The following SDHB variants were observed in gnomAD, a reference collection of about 807,000 sequenced individuals.
SDHB encodes succinate dehydrogenase complex iron sulfur subunit B.
SDHB carries 21 observed loss-of-function variants against 39.7 expected under a neutral mutation model. The ratio of observed to expected loss-of-function variants is 0.53; its 90% CI spans 0.37 to 0.76. SDHB has a LOEUF of 0.76. Among genes scored for constraint, SDHB ranks in the 30% least tolerant of loss-of-function variants. SDHB has a pLI of 0.00. For missense variants in SDHB, 343 were observed against 350.9 expected (o/e 0.98, Z 0.18); for synonymous variants, 118 against 117.0 (o/e 1.01, Z -0.06).
chr1:17,044,735 T>C, intron 2 of SDHB, 26 bp downstream of exon 2: 2 of 1,612,630 alleles, frequency 1.2e-6, no homozygotes, highest in Middle Eastern at 1.7e-4. Flanking sequence ...TCTCCTTCAA[T>C]AGCTGGCTTT....
intron 2 of SDHB, among the ~76,000 whole-genome samples, chr1:17,043,628 ATTCT>A (rs1440806201): frequency 6.6e-6 from 1 of 152,208 alleles, no homozygotes; most frequent in African/African-American, 2.4e-5. Context: ...AACTTGCTAG[ATTCT>A]TTCTTTTCTT....
intron 7 of SDHB, 147 bp from the exon 8 acceptor site, chr1:17,019,105 G>A (rs1337110815): frequency 1.4e-6 from 1 of 705,022 alleles, no homozygotes; most frequent in Non-Finnish European, 2.6e-6. Flanking sequence ...ATAGGGGTTG[G>A]GCTAAGGGCT....
chr1:17,052,296 A>C (rs1277648829), intron 1 of SDHB: 1 of 152,252 alleles, frequency 6.6e-6, no homozygotes, highest in Non-Finnish European at 1.5e-5. Flanking sequence ...AAGCATAAAA[A>C]GAATTCAGAA....
At chr1:17,029,111 T>TA in intron 3 of SDHB, among the ~76,000 whole-genome samples, 1 of 145,000 alleles carries the variant, frequency 6.9e-6, no homozygotes, top group East Asian at 2.0e-4. Flanking sequence ...TTTTTTTTTT[T>TA]TTTTTTTTTT....
chr1:17,045,165 A>C (rs990570501), intron 1 of SDHB: 7 of 436,294 alleles, frequency 1.6e-5, no homozygotes, highest in African/African-American at 1.4e-4. Flanking sequence ...GAGTTAAATT[A>C]AACATTCACG....
rs1491303096 is a variant in SDHB at position 17,050,378 on chromosome 1, G to GGATTAC, written c.72+3569_72+3570insGTAATC. Among the ~76,000 whole-genome samples, 1,510 of 152,036 alleles carry GGATTAC rather than the reference G, an allele frequency of 9.9e-3. 6 individuals carry two copies. Among genetic ancestry groups the GGATTAC allele is most frequent in the Non-Finnish European group, 0.015 (1,043 of 67,984 alleles). ...AAATGTATTTTATAGGCCAGGCGTG[G>GGATTAC]TGGCTCATGCCTGTAATCCCAGTAC... On this transcript the variant is annotated intron_variant, in intron 1 of 7. Coordinates refer to ENST00000375499, the MANE Select transcript of SDHB (RefSeq NM_003000.3).
At chr1:17,032,932 G>A (rs1269533357) in intron 3 of SDHB, 128 bp downstream of exon 3, 10 of 751,084 alleles carry the variant, frequency 1.3e-5, no homozygotes, top group Non-Finnish European at 2.2e-5. Context: ...AAAGGAATTA[G>A]GTTGCACAGC....
chr1:17,044,527 T>A (rs745858871), intron 2 of SDHB, among the ~76,000 whole-genome samples: 1 of 152,186 alleles, frequency 6.6e-6, no homozygotes, highest in Non-Finnish European at 1.5e-5. Flanking sequence ...AGTTTCACCA[T>A]GTTGGCCACA....
In SDHB at chr1:17,027,866, CT is replaced by C. The variant is rs2101521924; in HGVS notation, c.424-2del. The C allele has an allele frequency of 6.4e-7, 1 of 1,551,996 alleles. No homozygotes were observed. The highest frequency in any genetic ancestry group is 2.2e-5 in the East Asian group (1 of 44,572). ...ACTGTGCATAGAAGTTGCTCAAATC[CT>C]GTGGTTAAGAGGAAGAAGAAGAAGA... On this transcript the variant is annotated splice_acceptor_variant, in intron 4 of 7. Coordinates refer to ENST00000375499, the MANE Select transcript of SDHB (RefSeq NM_003000.3). LOFTEE classifies it high-confidence loss of function.
intron 1 of SDHB, among the ~76,000 whole-genome samples, chr1:17,045,760 TAG>T (rs2078106486): frequency 6.6e-6 from 1 of 152,188 alleles, no homozygotes; most frequent in East Asian, 1.9e-4. Flanking sequence ...GAACAGGGTT[TAG>T]AGACAGGGAG....
At chr1:17,028,760 C>A (rs1473879569) in intron 3 of SDHB, 24 bp from the exon 4 acceptor site, 1 of 1,612,450 alleles carries the variant, frequency 6.2e-7, no homozygotes, top group Admixed American at 1.7e-5. Context: ...ACATTTAACA[C>A]ATCCTCACCC....
At chr1:17,024,104 T>G in intron 5 of SDHB, 30 bp from the exon 6 acceptor site, 1 of 1,504,028 alleles carries the variant, frequency 6.6e-7, no homozygotes. Context: ...AGGCAGGAGC[T>G]TGTGACGGGA....
Position 17,050,380 on chromosome 1 carries a change from GGCTCAT to G in SDHB, c.72+3562_72+3567del, listed in dbSNP as rs879628964. Among the ~76,000 whole-genome samples, 1,509 of 151,872 alleles carry G rather than the reference GGCTCAT, an allele frequency of 9.9e-3. 6 individuals carry two copies. Among genetic ancestry groups the G allele is most frequent in the Non-Finnish European group, 0.015 (1,041 of 67,966 alleles). On this transcript the variant is annotated intron_variant, in intron 1 of 7. Transcript: ENST00000375499. ...ATGTATTTTATAGGCCAGGCGTGGT[GGCTCAT>G]GCCTGTAATCCCAGTACTTTGGGAG...
chr1:17,022,801 G>A, intron 6 of SDHB, 71 bp from the exon 7 acceptor site: 1 of 1,562,836 alleles, frequency 6.4e-7, no homozygotes, highest in South Asian at 1.1e-5. Flanking sequence ...TCAACTCAAA[G>A]CTCTGGGAGT....
Position 17,044,748 on chromosome 1 carries a change from C to A in SDHB, c.200+13G>T, listed in dbSNP as rs749666104. The A allele has an allele frequency of 1.2e-6, 2 of 1,613,874 alleles. No homozygotes were observed. Among genetic ancestry groups the A allele is most frequent in the Non-Finnish European group, 1.7e-6 (2 of 1,179,828 alleles). On this transcript the variant is annotated intron_variant, in intron 2 of 7. Transcript: ENST00000375499. Reference sequence around the variant, plus strand: ...ACTCTCCTTCAATAGCTGGCTTTCACAGAGATACTCACTTATTAAGGTCAA... The same window carrying A: ...ACTCTCCTTCAATAGCTGGCTTTCAAAGAGATACTCACTTATTAAGGTCAA...
At chr1:17,037,730 T>C (rs1230843779) in intron 2 of SDHB, among the ~76,000 whole-genome samples, 2 of 152,126 alleles carry the variant, frequency 1.3e-5, no homozygotes, top group African/African-American at 4.8e-5. Context: ...ATGTTGGGAT[T>C]ACAGGCGTGA....
intron 3 of SDHB, among the ~76,000 whole-genome samples, chr1:17,032,043 C>T (rs1360059158): frequency 6.6e-6 from 1 of 152,184 alleles, no homozygotes; most frequent in Non-Finnish European, 1.5e-5. Context: ...TCAGGCCAGT[C>T]GGTCTTCACT....
In SDHB at chr1:17,054,015, G is replaced by A. The variant is rs199948437; in HGVS notation, c.5C>T (p.Ala2Val). 16 of 1,609,638 alleles carry A rather than the reference G, an allele frequency of 9.9e-6. No individual in the cohort carries two copies. The highest frequency in any genetic ancestry group is 1.2e-5 in the Non-Finnish European group (14 of 1,177,534). ...CCTCAAGGAGAGGGCGACCACCGCCGCCATCTTGGCTCCTGACGTCAGCCC... is the reference window on the plus strand; with the variant it reads ...CCTCAAGGAGAGGGCGACCACCGCCACCATCTTGGCTCCTGACGTCAGCCC... M[A>V]AVVALSLRRR... Residue 2 changes from alanine to valine, a missense_variant, in exon 1 of 8, where the codon GCG (alanine) becomes GTG (valine). By Grantham distance (64) the Ala-to-Val change is moderately conservative. Transcript: ENST00000375499.
At chr1:17,019,960 G>C (rs1364802068) in intron 7 of SDHB, among the ~76,000 whole-genome samples, 1 of 152,146 alleles carries the variant, frequency 6.6e-6, no homozygotes, top group Non-Finnish European at 1.5e-5. Context: ...TGGTCAAAAA[G>C]ACACTCTTCA....
Sources: gnomAD v4.1 joint callset for allele counts (sites outside exome capture counted in the v4.1 genomes callset) on GRCh38, gnomAD v4.1.1 for gene constraint, MANE v1.5 for transcripts, NCBI Gene and HGNC (gene_info 2026-07-23, HGNC 2026-07-21) for gene names.